Variants in HEATR4 observed in about 807,000 individuals in gnomAD.
HEATR4 encodes HEAT repeat-containing protein 4.
In HEATR4, 95 loss-of-function variants were observed where a neutral mutation model predicts 108.8. The ratio of observed to expected loss-of-function variants is 0.87; its 90% confidence interval spans 0.74 to 1.04. The LOEUF (loss-of-function observed/expected upper bound fraction) is 1.04. HEATR4 is among the 50% of genes least tolerant of loss of function. HEATR4 has a pLI of 0.00. For synonymous variants in HEATR4, 443 were observed against 459.4 expected (o/e 0.96, Z 0.46); for missense variants, 1,152 against 1,253.8 (o/e 0.92, Z 1.23).
At chr14:73,590,983 C>T in the HEATR4 span, among the ~76,000 whole-genome samples, 1 of 152,234 alleles carries the variant, frequency 6.6e-6, no homozygotes, top group Non-Finnish European at 1.5e-5. Flanking sequence ...CATGCTGTCA[C>T]GTATCACTAG....
chr14:73,514,870 C>T (rs1254733516), intron 5 of HEATR4, among the ~76,000 whole-genome samples: 2 of 151,804 alleles, frequency 1.3e-5, no homozygotes, highest in Non-Finnish European at 2.9e-5. Context: ...AGATCGAGAC[C>T]ATCCTGGCTA....
the HEATR4 span, chr14:73,567,573 A>G: frequency 1.3e-5 from 2 of 152,110 alleles, no homozygotes; most frequent in Admixed American, 6.5e-5. Flanking sequence ...GGACATGAGC[A>G]GGGCCAAATA....
intron 11 of HEATR4, among the ~76,000 whole-genome samples, chr14:73,501,776 C>T (rs938095447): frequency 3.3e-4 from 50 of 150,534 alleles, no homozygotes; most frequent in African/African-American, 8.3e-4. Context: ...ATTTTTGAGA[C>T]GGAGTCTCAC....
At chr14:73,505,212 G>A (rs925253525) in intron 10 of HEATR4, among the ~76,000 whole-genome samples, 9 of 151,832 alleles carry the variant, frequency 5.9e-5, no homozygotes, top group Middle Eastern at 3.4e-3. Flanking sequence ...CCACCGTACC[G>A]GACCCCTTCA....
chr14:73,567,620 A>T, the HEATR4 span: 2 of 152,120 alleles, frequency 1.3e-5, no homozygotes, highest in African/African-American at 4.8e-5. Flanking sequence ...TAGTAGTGGT[A>T]ACCTGCGTGA....
the HEATR4 span, among the ~76,000 whole-genome samples, chr14:73,591,535 CTG>C: frequency 2.7e-5 from 4 of 146,172 alleles, no homozygotes; most frequent in African/African-American, 4.9e-5. Context: ...AGAGGAGACT[CTG>C]TTTCAAAAAA....
intron 17 of HEATR4, among the ~76,000 whole-genome samples, chr14:73,479,421 T>TCTTTC (rs1555386804): frequency 1.2e-5 from 1 of 82,508 alleles, no homozygotes; most frequent in Non-Finnish European, 2.3e-5. Flanking sequence ...GCGTTTTTTT[T>TCTTTC]TCTTTCTTTC....
the HEATR4 span, among the ~76,000 whole-genome samples, chr14:73,590,075 T>C: frequency 2.8e-3 from 422 of 152,198 alleles, 3 homozygotes; most frequent in South Asian, 3.9e-3. Context: ...GAACAAACCT[T>C]CCCGCAACGT....
intron 17 of HEATR4, among the ~76,000 whole-genome samples, chr14:73,484,341 G>T (rs1885363893): frequency 6.6e-6 from 1 of 151,786 alleles, no homozygotes; most frequent in African/African-American, 2.4e-5. Flanking sequence ...TCAGGCTTTT[G>T]GGGCCAGATG....
At chr14:73,622,766 G>A in the HEATR4 span, among the ~76,000 whole-genome samples, 2 of 152,070 alleles carry the variant, frequency 1.3e-5, no homozygotes, top group African/African-American at 2.4e-5. Context: ...AAAGCAATAT[G>A]AAGCAGAAGG....
the HEATR4 span, among the ~76,000 whole-genome samples, chr14:73,616,414 C>T: frequency 1.6e-4 from 24 of 151,716 alleles, no homozygotes; most frequent in Non-Finnish European, 3.1e-4. Context: ...AGTTTTAGGC[C>T]GGTTGCGGTG....
In HEATR4 at chr14:73,514,191, G is replaced by A. The variant is rs1275820867; in HGVS notation, c.1254C>T (p.Pro418=). ...VQGALRWTAL[P]TPAKDMLLQV... ...GCAGCAGCATATCCTTGGCGGGGGT[G>A]GGCAAAGCAGTCCAGCGCAGGGCTC... Residue 418 remains proline (P), a synonymous_variant, in exon 6 of 18, where the codon CCC becomes CCT. Coordinates refer to ENST00000553558, the MANE Select transcript of HEATR4 (RefSeq NM_001220484.1). The A allele has an allele frequency of 1.2e-6, 2 of 1,614,172 alleles. No individual in the cohort carries two copies. The highest frequency in any genetic ancestry group is 4.5e-5 in the East Asian group (2 of 44,884).
Position 73,537,004 on chromosome 14 carries a change from G to T in HEATR4, c.-151-6760C>A, listed in dbSNP as rs796426029. ...TGTTGTTGTTTTTTTTTTTTTCTGAGACGGACTTTCGCTCTGTCGCCCAGG... is the reference window on the plus strand; with the variant it reads ...TGTTGTTGTTTTTTTTTTTTTCTGATACGGACTTTCGCTCTGTCGCCCAGG... On this transcript the variant is annotated intron_variant, in intron 1 of 17. Transcript: ENST00000553558. The T allele has an allele frequency of 5.7e-4, 70 of 121,766 alleles. 14 individuals are homozygous for T. The highest frequency in any genetic ancestry group is 1.8e-3 in the African/African-American group (61 of 34,070). The allele number at this position is 121,766 out of a possible 1,614,324, so 7.5% of individuals were successfully genotyped here.
chr14:73,597,463 C>T, the HEATR4 span, among the ~76,000 whole-genome samples: 292 of 152,034 alleles, frequency 1.9e-3, no homozygotes, highest in African/African-American at 6.9e-3. Flanking sequence ...CAGCTCACTG[C>T]AACCTCTGTC....
intron 1 of HEATR4, among the ~76,000 whole-genome samples, chr14:73,552,785 C>T (rs1047304485): frequency 3.8e-5 from 4 of 106,224 alleles, no homozygotes; most frequent in Non-Finnish European, 7.8e-5. Context: ...CCCGCTGCTC[C>T]AGCCTGGCAG....
chr14:73,561,987 G>A (rs556418774), upstream of HEATR4, among the ~76,000 whole-genome samples: 1 of 152,178 alleles, frequency 6.6e-6, no homozygotes, highest in South Asian at 2.1e-4. Context: ...TTCCTGGGGA[G>A]AGTGAAGTTA....
intron 17 of HEATR4, among the ~76,000 whole-genome samples, chr14:73,487,601 G>C (rs1432327683): frequency 6.6e-6 from 1 of 152,048 alleles, no homozygotes; most frequent in African/African-American, 2.4e-5. Context: ...TATATTTTTA[G>C]CAGGGCATGG....
intron 17 of HEATR4, 66 bp from the exon 18 acceptor site, chr14:73,478,908 A>G (rs112545655): frequency 2.4e-6 from 3 of 1,233,250 alleles, no homozygotes; most frequent in African/African-American, 3.0e-5. Context: ...GCAGAGCCCA[A>G]GTGAAGGCCT....
At chr14:73,538,410 A>C in intron 1 of HEATR4, among the ~76,000 whole-genome samples, 1 of 112,004 alleles carries the variant, frequency 8.9e-6, no homozygotes. Flanking sequence ...TCAGGAGATC[A>C]AGGCCATCCT....
Sources: allele counts gnomAD v4.1 joint callset (sites outside exome capture counted in the v4.1 genomes callset), GRCh38; gene constraint gnomAD v4.1.1; transcripts MANE v1.5; gene names NCBI Gene and HGNC (gene_info 2026-07-23, HGNC 2026-07-21).